The following TTC28 variants were observed in gnomAD, a reference collection of about 807,000 sequenced individuals.
TTC28 encodes the protein tetratricopeptide repeat protein 28.
A neutral mutation model predicts 198.0 loss-of-function variants in TTC28; 61 were observed. The ratio of observed to expected loss-of-function variants is 0.31; its 90% confidence interval spans 0.25 to 0.38. The LOEUF (loss-of-function observed/expected upper bound fraction) is 0.38. TTC28 is among the 10% of genes least tolerant of loss of function. The probability of loss-of-function intolerance (pLI) is 1.00; values close to 1 mark genes in which losing one functional copy is unlikely to be tolerated. For missense variants in TTC28, 2,678 were observed against 3,164.0 expected, an observed-to-expected ratio of 0.85 and a Z score of 3.69; for synonymous variants, 1,171 against 1,297.8, an observed-to-expected ratio of 0.90 and a Z score of 2.10.
At chr22:28,388,055 C>T (rs1022210357) in intron 2 of TTC28, among the ~76,000 whole-genome samples, 3 of 152,154 alleles carry the variant, frequency 2.0e-5, no homozygotes, top group African/African-American at 7.2e-5. Flanking sequence ...TTTCAGCTAT[C>T]TACATATGGC....
intron 2 of TTC28, among the ~76,000 whole-genome samples, chr22:28,318,741 C>T (rs1413927571): frequency 6.6e-6 from 1 of 151,460 alleles, no homozygotes; most frequent in Admixed American, 6.6e-5. Context: ...TACACGGTAC[C>T]CTACACACAT....
chr22:28,464,362 G>C (rs903566056), intron 2 of TTC28, among the ~76,000 whole-genome samples: 7 of 152,176 alleles, frequency 4.6e-5, no homozygotes, highest in Non-Finnish European at 8.8e-5. Flanking sequence ...CAGAAACAGG[G>C]ACTTGGCAAA....
At chr22:28,411,750 A>G (rs2047085556) in intron 2 of TTC28, among the ~76,000 whole-genome samples, 1 of 152,234 alleles carries the variant, frequency 6.6e-6, no homozygotes, top group South Asian at 2.1e-4. Context: ...CTAGCAGTGT[A>G]TAAGGAGAAA....
intron 3 of TTC28, among the ~76,000 whole-genome samples, chr22:28,304,007 C>T (rs889158248): frequency 1.3e-5 from 2 of 152,138 alleles, no homozygotes; most frequent in Admixed American, 6.5e-5. Context: ...GGGCAGCAGC[C>T]GGGCGCGGTG....
At chr22:28,652,444 T>C (rs2051579545) in intron 1 of TTC28, among the ~76,000 whole-genome samples, 1 of 152,236 alleles carries the variant, frequency 6.6e-6, no homozygotes, top group Admixed American at 6.5e-5. Flanking sequence ...TGTACTGTTT[T>C]TGCCAGACAT....
intron 2 of TTC28, 46 bp from the exon 3 acceptor site, chr22:28,306,689 A>G (rs1447143053): frequency 1.2e-5 from 18 of 1,539,606 alleles, no homozygotes; most frequent in Middle Eastern, 2.1e-4. Context: ...GTGCTCCAAC[A>G]AGGCTGATGG....
At chr22:28,600,808 C>A (rs2050628149) in intron 2 of TTC28, among the ~76,000 whole-genome samples, 1 of 152,174 alleles carries the variant, frequency 6.6e-6, no homozygotes, top group Non-Finnish European at 1.5e-5. Context: ...ATTTGCAGCT[C>A]TTAAAGCATG....
At chr22:28,606,852 A>G (rs1433828248) in intron 2 of TTC28, among the ~76,000 whole-genome samples, 3 of 152,230 alleles carry the variant, frequency 2.0e-5, no homozygotes, top group Admixed American at 6.5e-5. Context: ...AATGAAATCC[A>G]TAACATGAAA....
intron 6 of TTC28, among the ~76,000 whole-genome samples, chr22:28,118,079 C>T (rs1942681213): frequency 6.6e-6 from 1 of 152,000 alleles, no homozygotes; most frequent in South Asian, 2.1e-4. Context: ...TACTATGTAT[C>T]CATAAAAATA....
intron 5 of TTC28, among the ~76,000 whole-genome samples, chr22:28,247,381 G>C (rs938197986): frequency 6.6e-6 from 1 of 152,192 alleles, no homozygotes; most frequent in African/African-American, 2.4e-5. Context: ...CCTGAGTGAA[G>C]CTGAGAGTTG....
intron 12 of TTC28, among the ~76,000 whole-genome samples, chr22:28,085,033 G>C (rs1309357894): frequency 2.6e-5 from 4 of 152,156 alleles, no homozygotes; most frequent in African/African-American, 9.6e-5. Flanking sequence ...ATCTACGTCT[G>C]ATTGGTGTAC....
chr22:28,276,562 T>C lies in TTC28; in HGVS notation c.933+19636A>G, dbSNP rs76157702. ...CTCTAATGTTCTAATTAATAGAACA[T>C]CCCTAATCTCTAATGGAAGAGATTA... On this transcript the variant is annotated intron_variant, in intron 5 of 22. Coordinates refer to ENST00000397906, the MANE Select transcript of TTC28 (RefSeq NM_001145418.2). 4.0e-4 allele frequency among the ~76,000 whole-genome samples: 61 copies of C among 152,248 alleles called. No homozygotes were observed. The East Asian group carries it at 0.011, about 28-fold the overall frequency.
intron 2 of TTC28, among the ~76,000 whole-genome samples, chr22:28,426,430 C>G (rs1170207489): frequency 6.6e-6 from 1 of 152,052 alleles, no homozygotes; most frequent in Non-Finnish European, 1.5e-5. Flanking sequence ...CTTACATAGT[C>G]CATTTTCTGA....
intron 12 of TTC28, among the ~76,000 whole-genome samples, chr22:28,084,643 G>A (rs550941920): frequency 8.5e-5 from 13 of 152,188 alleles, no homozygotes; most frequent in Non-Finnish European, 1.2e-4. Flanking sequence ...CACCAGCAAC[G>A]GAACAAAGCT....
intron 2 of TTC28, among the ~76,000 whole-genome samples, chr22:28,395,938 C>A (rs2046808641): frequency 6.6e-6 from 1 of 152,156 alleles, no homozygotes; most frequent in South Asian, 2.1e-4. Flanking sequence ...AAAATATTCA[C>A]AACTATGACT....
chr22:28,205,989 G>T (rs1316396491), intron 5 of TTC28, among the ~76,000 whole-genome samples: 2 of 146,192 alleles, frequency 1.4e-5, no homozygotes, highest in Non-Finnish European at 3.0e-5. Flanking sequence ...TAGCCATGGG[G>T]TGTCAAAAAA....
Position 28,105,810 on chromosome 22 carries a change from G to A in TTC28, c.2784-8C>T. 6.5e-7 allele frequency: 1 copy of A among 1,538,330 alleles called. No individual in the cohort carries two copies. Among genetic ancestry groups the A allele is most frequent in the South Asian group, 1.2e-5 (1 of 82,604 alleles). ...TGCAAGCTCCCCATTGCCCTGTGGG[G>A]ATGTAGACAGAAAAGCAATGATATT... is the stretch of plus-strand genomic sequence containing the variant. On this transcript the variant is annotated splice_region_variant and splice_polypyrimidine_tract_variant and intron_variant, in intron 7 of 22. Coordinates refer to ENST00000397906, the MANE Select transcript of TTC28 (RefSeq NM_001145418.2).
intron 3 of TTC28, among the ~76,000 whole-genome samples, chr22:28,304,444 G>T (rs1332361300): frequency 6.6e-6 from 1 of 152,174 alleles, no homozygotes; most frequent in Non-Finnish European, 1.5e-5. Flanking sequence ...ACCTGGAATA[G>T]ATACAGTGGT....
intron 5 of TTC28, among the ~76,000 whole-genome samples, chr22:28,233,874 G>A (rs534659274): frequency 2.0e-5 from 3 of 150,938 alleles, no homozygotes; most frequent in Non-Finnish European, 4.4e-5. Context: ...GAGTAGCTGG[G>A]ACTACAGGCA....
Sources: gnomAD v4.1 joint callset for allele counts (sites outside exome capture counted in the v4.1 genomes callset) on GRCh38, gnomAD v4.1.1 for gene constraint, MANE v1.5 for transcripts, NCBI Gene and HGNC (gene_info 2026-07-23, HGNC 2026-07-21) for gene names.